PLPPR1: variants seen among roughly 807,000 people sequenced by gnomAD.
PLPPR1 encodes the protein phospholipid phosphatase-related protein type 1.
In PLPPR1, 10 loss-of-function variants were observed where a neutral mutation model predicts 33.1. That is an observed-to-expected ratio of 0.30 (90% CI 0.19 to 0.51). PLPPR1 has a LOEUF of 0.51. Ranked by LOEUF, PLPPR1 falls within the 20% of genes least tolerant of loss-of-function variation. The probability of loss-of-function intolerance (pLI) is 0.97; values close to 1 mark genes in which losing one functional copy is unlikely to be tolerated. For missense variants in PLPPR1, 304 were observed against 408.1 expected, an observed-to-expected ratio of 0.74 and a Z score of 2.20; for synonymous variants, 151 against 151.0, an observed-to-expected ratio of 1.00 and a Z score of 0.00.
At chr9:101,131,174 C>T (rs1831309351) in intron 1 of PLPPR1, among the ~76,000 whole-genome samples, 1 of 152,062 alleles carries the variant, frequency 6.6e-6, no homozygotes, top group Admixed American at 6.6e-5. Flanking sequence ...AAAAACATTG[C>T]CTATTGTAAT....
chr9:101,222,704 C>A (rs1235788987), intron 2 of PLPPR1, among the ~76,000 whole-genome samples: 1 of 152,098 alleles, frequency 6.6e-6, no homozygotes, highest in Non-Finnish European at 1.5e-5. Flanking sequence ...TGAAGGACAC[C>A]AGCTGTTGGT....
intron 1 of PLPPR1, chr9:101,125,995 AC>A (rs1831242261): frequency 8.2e-6 from 2 of 244,350 alleles, no homozygotes; most frequent in African/African-American, 2.3e-5. Context: ...AGATGGCTTT[AC>A]TTGTCCTATG....
chr9:101,323,974 C>G (rs773608744), intron 7 of PLPPR1, 51 bp from the exon 8 acceptor site: 2 of 1,542,374 alleles, frequency 1.3e-6, no homozygotes, highest in South Asian at 2.2e-5. Flanking sequence ...TGAGTGTGCA[C>G]GTGTCAGGCA....
At chr9:101,065,908 T>C (rs1830407336) in intron 1 of PLPPR1, among the ~76,000 whole-genome samples, 1 of 152,028 alleles carries the variant, frequency 6.6e-6, no homozygotes, top group African/African-American at 2.4e-5. Context: ...TCACCTAACT[T>C]CCCCTATTGT....
At chr9:101,240,216 A>G (rs1827434083) in intron 2 of PLPPR1, among the ~76,000 whole-genome samples, 1 of 151,186 alleles carries the variant, frequency 6.6e-6, no homozygotes, top group African/African-American at 2.4e-5. Flanking sequence ...GAATATGAGG[A>G]TTTATTTATG....
chr9:101,072,122 A>G (rs1381237895), intron 1 of PLPPR1, among the ~76,000 whole-genome samples: 1 of 152,106 alleles, frequency 6.6e-6, no homozygotes, highest in Non-Finnish European at 1.5e-5. Context: ...TAGATAGCCT[A>G]TTTACTGTGT....
At chr9:101,117,084 G>A (rs1246218778) in intron 1 of PLPPR1, among the ~76,000 whole-genome samples, 1 of 152,006 alleles carries the variant, frequency 6.6e-6, no homozygotes, top group Admixed American at 6.5e-5. Context: ...TAGGATTAAG[G>A]GTTCTCTTAT....
intron 1 of PLPPR1, among the ~76,000 whole-genome samples, chr9:101,113,235 G>C (rs1294441118): frequency 6.8e-6 from 1 of 147,472 alleles, no homozygotes; most frequent in East Asian, 2.0e-4. Flanking sequence ...CCTGGAGGAT[G>C]TTTTAGTAGC....
At chr9:101,030,721 G>C (rs187871843) in intron 1 of PLPPR1, among the ~76,000 whole-genome samples, 123 of 152,112 alleles carry the variant, frequency 8.1e-4, no homozygotes, top group Non-Finnish European at 1.4e-3. Context: ...TATGCCTGCT[G>C]CTCCTCACGG....
chr9:101,084,831 C>T (rs10989387), intron 1 of PLPPR1, among the ~76,000 whole-genome samples: 1 of 152,060 alleles, frequency 6.6e-6, no homozygotes, highest in Non-Finnish European at 1.5e-5. Context: ...TGTGTGACAT[C>T]GATGAATATG....
At chr9:101,152,279 C>T (rs60071930) in intron 1 of PLPPR1, among the ~76,000 whole-genome samples, 10,549 of 152,156 alleles carry the variant, frequency 0.069, 1,158 homozygotes, top group African/African-American at 0.23. Flanking sequence ...TTTAAGTTCT[C>T]TGTAGATTCT....
At chr9:101,245,215 A>T (rs1241876056) in intron 2 of PLPPR1, among the ~76,000 whole-genome samples, 2 of 152,078 alleles carry the variant, frequency 1.3e-5, no homozygotes, top group African/African-American at 2.4e-5. Flanking sequence ...GACATGATCA[A>T]GATAATTCAT....
chr9:101,294,062 C>T (rs1474867517), intron 4 of PLPPR1, among the ~76,000 whole-genome samples: 2 of 152,058 alleles, frequency 1.3e-5, no homozygotes, highest in South Asian at 2.1e-4. Context: ...GCTAGCAAGA[C>T]TAATAAAGAA....
At chr9:101,222,235 G>A (rs925767000) in intron 2 of PLPPR1, among the ~76,000 whole-genome samples, 3 of 152,176 alleles carry the variant, frequency 2.0e-5, no homozygotes, top group Non-Finnish European at 4.4e-5. Flanking sequence ...CCCTCAGGTT[G>A]GTGTGTCCTA....
At chr9:101,145,369 A>T (rs1044974297) in intron 1 of PLPPR1, among the ~76,000 whole-genome samples, 4 of 152,152 alleles carry the variant, frequency 2.6e-5, no homozygotes, top group Non-Finnish European at 4.4e-5. Flanking sequence ...ACATCATATT[A>T]TACACAATAA....
chr9:101,210,264 T>G (rs1826666319), intron 2 of PLPPR1, among the ~76,000 whole-genome samples: 1 of 152,192 alleles, frequency 6.6e-6, no homozygotes, highest in Non-Finnish European at 1.5e-5. Flanking sequence ...TGCTATTTCT[T>G]TAGAGTACTG....
At chr9:101,290,020 T>C (rs1828464497) in intron 4 of PLPPR1, among the ~76,000 whole-genome samples, 1 of 152,198 alleles carries the variant, frequency 6.6e-6, no homozygotes, top group Non-Finnish European at 1.5e-5. Flanking sequence ...GTTCTGACTT[T>C]TCCTGTAGGA....
At chr9:101,161,435 T>A (rs1386136569) in intron 1 of PLPPR1, among the ~76,000 whole-genome samples, 1 of 152,152 alleles carries the variant, frequency 6.6e-6, no homozygotes, top group Non-Finnish European at 1.5e-5. Context: ...TGTATTTTAG[T>A]GTGTGTCTCC....
At chr9:101,050,057 G>A (rs1432226675) in intron 1 of PLPPR1, among the ~76,000 whole-genome samples, 4 of 150,090 alleles carry the variant, frequency 2.7e-5, no homozygotes, top group Non-Finnish European at 3.0e-5. Context: ...CCTGGGAGGC[G>A]GAGGTTGCAG....
Sources: allele counts gnomAD v4.1 joint callset (sites outside exome capture counted in the v4.1 genomes callset), GRCh38; gene constraint gnomAD v4.1.1; transcripts MANE v1.5; gene names NCBI Gene and HGNC (gene_info 2026-07-23, HGNC 2026-07-21).